Variants in PCDHGA10 observed in about 807,000 individuals in gnomAD.
PCDHGA10 encodes the protein protocadherin gamma subfamily A, 10.
A neutral mutation model predicts 59.5 loss-of-function variants in PCDHGA10; 42 were observed. That is an observed-to-expected ratio of 0.71 (90% CI 0.55 to 0.91). The LOEUF (loss-of-function observed/expected upper bound fraction) is 0.91. PCDHGA10 is among the 40% of genes least tolerant of loss of function. The pLI is 0.00. For synonymous variants in PCDHGA10, 511 were observed against 517.2 expected (o/e 0.99, Z 0.16); for missense variants, 1,111 against 1,198.2 (o/e 0.93, Z 1.07).
At position 141,418,250 on chromosome 5, in the gene PCDHGA10, C is replaced by T. The variant is rs375149538; in HGVS notation, c.2436+2639C>T. ...GATTGAGGATGTTAATGACCACGCC[C>T]CTCAATTCCGGAAAGATGAAATAAA... On this transcript the variant is annotated intron_variant, in intron 1 of 3. Transcript: ENST00000398610. The T allele has an allele frequency of 2.5e-5, 40 of 1,613,876 alleles. No individual in the cohort carries two copies. The African/African-American group carries it at 3.6e-4, about 15-fold the overall frequency.
intron 1 of PCDHGA10, chr5:141,423,301 C>T (rs1489674947): frequency 1.9e-6 from 3 of 1,614,150 alleles, no homozygotes; most frequent in East Asian, 4.5e-5. Flanking sequence ...AGACCTCTCG[C>T]TGTACTTGGT....
intron 1 of PCDHGA10, chr5:141,422,941 G>A (rs777535652): frequency 9.9e-6 from 16 of 1,614,218 alleles, no homozygotes; most frequent in East Asian, 4.5e-5. Context: ...CCCCACAGAC[G>A]GCTCCACTGG....
intron 1 of PCDHGA10, chr5:141,421,364 T>C (rs975166167): frequency 3.7e-6 from 6 of 1,613,994 alleles, no homozygotes; most frequent in African/African-American, 1.3e-5. Context: ...GGCTCCTTCG[T>C]GGGCAATATC....
chr5:141,415,423 G>A lies in PCDHGA10; in HGVS notation c.2248G>A (p.Val750Ile). Reference sequence around the variant, plus strand: ...CTCGCACTTTGTGGGCGTGGACGGGGTTCGGGCTTTCCTGCAGACCTATTC... The same window carrying A: ...CTCGCACTTTGTGGGCGTGGACGGGATTCGGGCTTTCCTGCAGACCTATTC... The part of the protein sequence containing the change: ...SGSHFVGVDG[V>I]RAFLQTYSHE... Residue 750 changes from valine (V) to isoleucine (I), a missense_variant, in exon 1 of 4, where the codon GTT becomes ATT. Transcript: ENST00000398610. 1.2e-6 allele frequency: 2 copies of A among 1,614,204 alleles called. No homozygotes were observed. The highest frequency in any genetic ancestry group is 1.7e-6 in the Non-Finnish European group (2 of 1,180,042).
At chr5:141,465,922 T>A (rs7704812) in intron 1 of PCDHGA10, among the ~76,000 whole-genome samples, 42,795 of 151,826 alleles carry the variant, frequency 0.28, 6,697 homozygotes, top group African/African-American at 0.42. Flanking sequence ...GGATTTCGAG[T>A]CCATCCTGGC....
chr5:141,432,991 C>G lies in PCDHGA10; in HGVS notation c.2436+17380C>G, dbSNP rs1269992849. ...CGGCGTCGCACTTTGTGGGCGTGGACGGGGTGCAGGCTTTCCTGCAGACCT... is the reference window on the plus strand; with the variant it reads ...CGGCGTCGCACTTTGTGGGCGTGGAGGGGGTGCAGGCTTTCCTGCAGACCT... On this transcript the variant is annotated intron_variant, in intron 1 of 3. Transcript: ENST00000398610. The surrounding 1 kb of genome is among the most constrained non-coding windows in gnomAD (Gnocchi z 6.0). The G allele has an allele frequency of 6.2e-7, 1 of 1,614,200 alleles. No homozygotes were observed. Among genetic ancestry groups the G allele is most frequent in the Admixed American group, 1.7e-5 (1 of 60,032 alleles).
Position 141,431,222 on chromosome 5 carries a change from C to A in PCDHGA10, c.2436+15611C>A. On this transcript the variant is annotated intron_variant, in intron 1 of 3. Transcript: ENST00000398610. The surrounding 1 kb of genome is among the most constrained non-coding windows in gnomAD (Gnocchi z 4.8). ...AGCCACTGAGATGCGGTTCCCTCTA[C>A]CCCACGCCTGGGATCCGGATATCGG... 3 of 1,614,170 alleles carry A rather than the reference C, an allele frequency of 1.9e-6. No individual in the cohort carries two copies. The highest frequency in any genetic ancestry group is 2.5e-6 in the Non-Finnish European group (3 of 1,180,034).
At chr5:141,433,381 A>ATCTG (rs1561869478) in intron 1 of PCDHGA10, among the ~76,000 whole-genome samples, 2 of 151,148 alleles carry the variant, frequency 1.3e-5, no homozygotes, top group Non-Finnish European at 2.9e-5. Flanking sequence ...CTATCTATCT[A>ATCTG]TCTATCTATC....
At chr5:141,458,907 A>AT (rs759653270) in intron 1 of PCDHGA10, among the ~76,000 whole-genome samples, 1 of 151,752 alleles carries the variant, frequency 6.6e-6, no homozygotes, top group Non-Finnish European at 1.5e-5. Context: ...AATTTTTTCT[A>AT]TTTTTTGTGG....
Position 141,431,948 on chromosome 5 carries a change from T to G in PCDHGA10, c.2436+16337T>G. ...AAATCTGCCCTTTAAATTAGAAAAA[T>G]CTTACGGAAATTACTATAGTTTAGT... is the stretch of plus-strand genomic sequence containing the variant. On this transcript the variant is annotated intron_variant, in intron 1 of 3. Transcript: ENST00000398610. The surrounding 1 kb of genome is among the most constrained non-coding windows in gnomAD (Gnocchi z 4.8). The G allele has an allele frequency of 6.2e-7, 1 of 1,614,076 alleles. No homozygotes were observed. The highest frequency in any genetic ancestry group is 8.5e-7 in the Non-Finnish European group (1 of 1,180,006).
At chr5:141,502,552 T>C (rs1217408446) in intron 2 of PCDHGA10, among the ~76,000 whole-genome samples, 1 of 152,146 alleles carries the variant, frequency 6.6e-6, no homozygotes, top group Non-Finnish European at 1.5e-5. Context: ...AAAAACAGTG[T>C]CCCAGATCTC....
At chr5:141,457,125 C>T (rs1011977795) in intron 1 of PCDHGA10, among the ~76,000 whole-genome samples, 3 of 152,236 alleles carry the variant, frequency 2.0e-5, no homozygotes, top group Admixed American at 6.5e-5. Flanking sequence ...GCAATGGAAA[C>T]TCTGTCCAAT....
At chr5:141,422,897 A>AT (rs778069795) in intron 1 of PCDHGA10, 4 of 1,614,212 alleles carry the variant, frequency 2.5e-6, no homozygotes, top group Non-Finnish European at 3.4e-6. Flanking sequence ...CTGGACCAGA[A>AT]CGACAATGCG....
At chr5:141,430,641 T>C (rs1332550435) in intron 1 of PCDHGA10, 2 of 902,672 alleles carry the variant, frequency 2.2e-6, no homozygotes, top group East Asian at 5.4e-5. Flanking sequence ...TCCCTGGGAG[T>C]ATGTGGAAAC....
Position 141,489,089 on chromosome 5 carries a change from A to G in PCDHGA10, c.2437-5718A>G. 5.6e-5 allele frequency: 16 copies of G among 284,404 alleles called. No individual in the cohort carries two copies. The highest frequency in any genetic ancestry group is 9.0e-5 in the Non-Finnish European group (14 of 156,416). The allele number at this position is 284,404 out of a possible 1,614,324, so 17.6% of individuals were successfully genotyped here. On this transcript the variant is annotated intron_variant, in intron 1 of 3. Coordinates refer to ENST00000398610, the MANE Select transcript of PCDHGA10 (RefSeq NM_018913.3). The surrounding 1 kb of genome is among the most constrained non-coding windows in gnomAD (Gnocchi z 4.5). ...CCCTGCCCACCCCCGCCACTCGGTG[A>G]CTAAGAACTGCTGCAAGCAGGCAAA...
chr5:141,511,062 C>T lies in PCDHGA10; in HGVS notation c.2700C>T (p.Tyr900=), dbSNP rs775583963. The change falls in exon 4 of 4, where the codon TAC becomes TAT. Residue 900 remains tyrosine, a synonymous_variant. Transcript: ENST00000398610. ...TGCCCGACTACCGCCAGAATGTCTACATCCCAGGCAGCAATGCCACACTGA... is the reference window on the plus strand; with the variant it reads ...TGCCCGACTACCGCCAGAATGTCTATATCCCAGGCAGCAATGCCACACTGA... ...QHVPDYRQNV[Y]IPGSNATLTN... The T allele has an allele frequency of 6.2e-7, 1 of 1,614,246 alleles. No homozygotes were observed. The highest frequency in any genetic ancestry group is 1.3e-5 in the African/African-American group (1 of 75,064).
Position 141,485,739 on chromosome 5 carries a change from G to A in PCDHGA10, c.2437-9068G>A. 6.2e-7 allele frequency: 1 copy of A among 1,614,234 alleles called. No individual in the cohort carries two copies. Among genetic ancestry groups the A allele is most frequent in the Non-Finnish European group, 8.5e-7 (1 of 1,180,042 alleles). ...GATGTGAAGAAGCGCAGCGACGGCA[G>A]CCTGGTCCCAGAGCTGCTCCTGGAG... On this transcript the variant is annotated intron_variant, in intron 1 of 3. Transcript: ENST00000398610. The surrounding 1 kb of genome is among the most constrained non-coding windows in gnomAD (Gnocchi z 5.7).
At position 141,421,063 on chromosome 5, in the gene PCDHGA10, G is replaced by A. The variant is rs575695102; in HGVS notation, c.2436+5452G>A. 4.7e-4 allele frequency: 274 copies of A among 581,982 alleles called. 4 individuals are homozygous for A. The South Asian group carries it at 6.4e-3, about 14-fold the overall frequency. 36.1% of individuals were successfully genotyped at this position (581,982 alleles called of 1,614,324 possible). On this transcript the variant is annotated intron_variant, in intron 1 of 3. Transcript: ENST00000398610. ...CTCCCCCGCCTCTACCACACAAAGC[G>A]GAATGAGATGGATACTCACAGATCC... is the stretch of plus-strand genomic sequence containing the variant.
In PCDHGA10 at chr5:141,477,880, C is replaced by T. The variant is rs763789849; in HGVS notation, c.2437-16927C>T. 10 of 1,614,058 alleles carry T rather than the reference C, an allele frequency of 6.2e-6. No homozygotes were observed. The African/African-American group carries it at 1.2e-4, about 19-fold the overall frequency. ...TGCCTCGAGGTACCTCAGCTGGCCA[C>T]CTAGTGTCACGGGTGGTAGGCTGGG... is the stretch of plus-strand genomic sequence containing the variant. On this transcript the variant is annotated intron_variant, in intron 1 of 3. Transcript: ENST00000398610. The surrounding 1 kb of genome is among the most constrained non-coding windows in gnomAD (Gnocchi z 4.9).
Sources: gnomAD v4.1 joint callset for allele counts (sites outside exome capture counted in the v4.1 genomes callset) on GRCh38, gnomAD v4.1.1 for gene constraint, Gnocchi (gnomAD v3.1) non-coding constraint, MANE v1.5 for transcripts, NCBI Gene and HGNC (gene_info 2026-07-23, HGNC 2026-07-21) for gene names.